The following SNRPN variants were observed in gnomAD, a reference collection of about 807,000 sequenced individuals.
SNRPN encodes small nuclear ribonucleoprotein polypeptide N.
In SNRPN, 7 loss-of-function variants were observed where a neutral mutation model predicts 25.2. That is an observed-to-expected ratio of 0.28 (90% CI 0.16 to 0.52). The LOEUF is 0.52. SNRPN is among the 20% of genes least tolerant of loss of function. The pLI, the probability that SNRPN is intolerant of heterozygous loss-of-function variation, is 0.96. For missense variants in SNRPN, 196 were observed against 322.5 expected, an observed-to-expected ratio of 0.61 and a Z score of 3.00; for synonymous variants, 124 against 110.6, an observed-to-expected ratio of 1.12 and a Z score of -0.76.
At chr15:24,911,666 A>T (rs1336931568) in intron 2 of SNRPN, among the ~76,000 whole-genome samples, 1 of 152,242 alleles carries the variant, frequency 6.6e-6, no homozygotes, top group Admixed American at 6.5e-5. Context: ...CTGTGAAGGC[A>T]TGGCTTTCTC....
At chr15:24,875,321 G>A (rs2055745869) in intron 1 of SNRPN, among the ~76,000 whole-genome samples, 1 of 152,200 alleles carries the variant, frequency 6.6e-6, no homozygotes, top group Non-Finnish European at 1.5e-5. Context: ...TCTGTCTCCA[G>A]AATCTTTGTT....
intron 1 of SNRPN, among the ~76,000 whole-genome samples, chr15:24,877,669 C>G (rs1350232375): frequency 2.2e-5 from 2 of 92,614 alleles, no homozygotes; most frequent in Non-Finnish European, 2.3e-5. Flanking sequence ...AAAACACACA[C>G]ACACACACAC....
At chr15:24,881,584 GGAGAGAGAGAGAGA>G (rs1157961647) in intron 1 of SNRPN, among the ~76,000 whole-genome samples, 11 of 57,698 alleles carry the variant, frequency 1.9e-4, no homozygotes, top group African/African-American at 5.8e-4. Flanking sequence ...AGGGAGGGAG[GGAGAGAGAGAGAGA>G]GAGAGAGAGA....
chr15:24,894,183 G>A (rs530876128), intron 2 of SNRPN, among the ~76,000 whole-genome samples: 8 of 151,772 alleles, frequency 5.3e-5, no homozygotes, highest in African/African-American at 1.4e-4. Flanking sequence ...CCAACAACTT[G>A]TACGCCCCAT....
intron 1 of SNRPN, among the ~76,000 whole-genome samples, chr15:24,827,972 G>A (rs1016108212): frequency 1.3e-5 from 2 of 151,908 alleles, no homozygotes; most frequent in Admixed American, 1.3e-4. Context: ...GACCAGCAAC[G>A]TGCATATTGT....
intron 1 of SNRPN, among the ~76,000 whole-genome samples, chr15:24,863,599 T>C (rs913873007): frequency 7.3e-5 from 11 of 150,854 alleles, no homozygotes; most frequent in African/African-American, 2.7e-4. Context: ...CCTAGCAAAA[T>C]TGACCAAAAT....
intron 3 of SNRPN, among the ~76,000 whole-genome samples, chr15:24,934,097 A>C (rs891055302): frequency 2.6e-5 from 4 of 152,110 alleles, no homozygotes; most frequent in African/African-American, 7.2e-5. Flanking sequence ...TGGGAGTTCG[A>C]GACCAGCCTG....
At chr15:24,968,711 C>T (rs539944778) in intron 3 of SNRPN, 10 of 152,276 alleles carry the variant, frequency 6.6e-5, no homozygotes, top group African/African-American at 2.2e-4. Flanking sequence ...AATACTTTCT[C>T]ATGCTTATTT....
intron 3 of SNRPN, among the ~76,000 whole-genome samples, chr15:24,931,863 A>G (rs2060887543): frequency 6.7e-6 from 1 of 150,308 alleles, no homozygotes; most frequent in African/African-American, 2.4e-5. Flanking sequence ...AAAAAAAAAA[A>G]AAAAAGACTT....
chr15:24,824,164 T>A (rs773032052), intron 1 of SNRPN, among the ~76,000 whole-genome samples: 36 of 152,244 alleles, frequency 2.4e-4, no homozygotes, highest in Admixed American at 5.9e-4. Flanking sequence ...GAGACTTTCC[T>A]GAGAGCCACA....
intron 2 of SNRPN, among the ~76,000 whole-genome samples, chr15:24,903,628 C>G (rs1214507768): frequency 6.6e-6 from 1 of 152,034 alleles, no homozygotes. Context: ...GTGGAACCAT[C>G]CGGTATCAAG....
chr15:24,906,987 G>A (rs2058843175), intron 2 of SNRPN, among the ~76,000 whole-genome samples: 1 of 152,050 alleles, frequency 6.6e-6, no homozygotes, highest in Non-Finnish European at 1.5e-5. Context: ...GGATGAAGCA[G>A]TTAGGGGCTT....
At chr15:24,863,379 G>C (rs913970732) in intron 1 of SNRPN, among the ~76,000 whole-genome samples, 1 of 150,444 alleles carries the variant, frequency 6.6e-6, no homozygotes. Flanking sequence ...GGTTGGCAGG[G>C]GGCTGCAGAG....
At chr15:24,841,677 G>A (rs1169157304) in intron 2 of SNRPN, among the ~76,000 whole-genome samples, 8 of 152,180 alleles carry the variant, frequency 5.3e-5, no homozygotes, top group Non-Finnish European at 1.2e-4. Context: ...AGGTGGCAGT[G>A]TTCCTTTATC....
upstream of SNRPN, among the ~76,000 whole-genome samples, chr15:24,852,680 G>A (rs1257232067): frequency 6.6e-6 from 1 of 152,206 alleles, no homozygotes; most frequent in Non-Finnish European, 1.5e-5. Flanking sequence ...ACTTTGGGAG[G>A]TGAAGGTGGG....
At chr15:24,958,791 C>A in intron 1 of SNRPN, 1 of 154,414 alleles carries the variant, frequency 6.5e-6, no homozygotes, top group Middle Eastern at 5.3e-4. Flanking sequence ...GCAGTTATAG[C>A]TCCCTGTAAC....
At chr15:24,862,979 G>A (rs1339180270) in intron 1 of SNRPN, among the ~76,000 whole-genome samples, 1 of 151,078 alleles carries the variant, frequency 6.6e-6, no homozygotes, top group East Asian at 1.9e-4. Flanking sequence ...GACAGCTCTG[G>A]AAGTGATGCA....
At position 24,932,095 on chromosome 15, in the gene SNRPN, T is replaced by G. The variant is rs185374924; in HGVS notation, c.-391+11971T>G. ...TTCTGCTGTTGGCTGGAACAAAGAG[T>G]AAATTCATTTGGGAGGCTTCACTTT... On this transcript the variant is annotated intron_variant, in intron 3 of 11. Coordinates refer to the SNRPN transcript ENST00000400097. 1.7e-3 allele frequency among the ~76,000 whole-genome samples: 253 copies of G among 151,920 alleles called. 1 individual carries two copies. The highest frequency in any genetic ancestry group is 5.7e-3 in the African/African-American group (235 of 41,420).
chr15:24,941,871 C>CG (rs2061577542), intron 3 of SNRPN, among the ~76,000 whole-genome samples: 2 of 152,030 alleles, frequency 1.3e-5, no homozygotes, highest in African/African-American at 4.8e-5. Context: ...CTCTGCTGCC[C>CG]GGGGTTCAAA....
Sources: gnomAD v4.1 joint callset for allele counts (sites outside exome capture counted in the v4.1 genomes callset) on GRCh38, gnomAD v4.1.1 for gene constraint, MANE v1.5 for transcripts, NCBI Gene and HGNC (gene_info 2026-07-23, HGNC 2026-07-21) for gene names.